The following FLNB variants were observed in gnomAD, a reference collection of about 807,000 sequenced individuals.
FLNB encodes the protein filamin-B.
In FLNB, 111 loss-of-function variants were observed where a neutral mutation model predicts 250.6. The ratio of observed to expected loss-of-function variants is 0.44; its 90% confidence interval spans 0.38 to 0.52. The LOEUF (loss-of-function observed/expected upper bound fraction) is 0.52, where lower values mean the gene tolerates loss of function less well. FLNB is among the 20% of genes least tolerant of loss of function. FLNB has a pLI of 0.00. For synonymous variants in FLNB, 1,302 were observed against 1,372.1 expected (o/e 0.95, Z 1.13); for missense variants, 2,869 against 3,447.8 (o/e 0.83, Z 4.20).
chr3:58,152,730 T>C lies in FLNB; in HGVS notation c.6368-645T>C, dbSNP rs767269826. On this transcript the variant is annotated intron_variant, in intron 38 of 45. Transcript: ENST00000295956. ...CAGGGGTCAGAGTCATGAACTGCTCTGCCCAGATCCTGTGGGGCTGGAGGG... is the reference window on the plus strand; with the variant it reads ...CAGGGGTCAGAGTCATGAACTGCTCCGCCCAGATCCTGTGGGGCTGGAGGG... 1.3e-5 allele frequency: 18 copies of C among 1,335,626 alleles called. No individual in the cohort carries two copies. In the South Asian group the frequency reaches 1.5e-4, roughly 11 times the overall value. The allele number at this position is 1,335,626 out of a possible 1,614,324, so 82.7% of individuals were successfully genotyped here. A position where few individuals can be genotyped will look rare whatever the true frequency, so the allele number is the denominator to read the frequency against.
At chr3:58,009,886 G>A (rs1178650374) in intron 1 of FLNB, among the ~76,000 whole-genome samples, 1 of 152,200 alleles carries the variant, frequency 6.6e-6, no homozygotes, top group Non-Finnish European at 1.5e-5. Flanking sequence ...CTCCCTTGTG[G>A]TCTGAGATAG....
intron 40 of FLNB, 90 bp downstream of exon 40, chr3:58,155,018 C>A: frequency 1.5e-6 from 2 of 1,361,490 alleles, no homozygotes; most frequent in South Asian, 1.2e-5. Flanking sequence ...TTGCTGAAGT[C>A]AATGAGGAAT....
rs1162754291 is a variant in FLNB, at chr3:58,105,763, C to T, written c.1747+547C>T. Among the ~76,000 whole-genome samples the T allele has an allele frequency of 2.6e-5, 4 of 152,132 alleles. No homozygotes were observed. The South Asian group carries it at 6.2e-4, about 24-fold the overall frequency. On this transcript the variant is annotated intron_variant, in intron 11 of 45. Transcript: ENST00000295956. ...GCAGCTATAGGAATACGTAAACAAA[C>T]GTGTGTGGCCATGTTCCAGTAAAAC...
intron 11 of FLNB, among the ~76,000 whole-genome samples, chr3:58,106,221 G>A (rs2097259304): frequency 6.6e-6 from 1 of 151,952 alleles, no homozygotes; most frequent in African/African-American, 2.4e-5. Context: ...ACCCAGAAGT[G>A]GATTTGGTGG....
chr3:58,051,433 A>C (rs1429941187), intron 1 of FLNB, among the ~76,000 whole-genome samples: 4 of 152,188 alleles, frequency 2.6e-5, no homozygotes, highest in South Asian at 2.1e-4. Flanking sequence ...TTCTGCAAGC[A>C]TGTACAGTAC....
At chr3:58,098,077 A>G in intron 7 of FLNB, 100 bp downstream of exon 7, 1 of 1,264,422 alleles carries the variant, frequency 7.9e-7, no homozygotes, top group Non-Finnish European at 1.1e-6. Flanking sequence ...TGTCTTTTAA[A>G]TCAAATAAAT....
chr3:58,106,907 C>A, intron 12 of FLNB, 34 bp downstream of exon 12: 1 of 1,590,048 alleles, frequency 6.3e-7, no homozygotes, highest in Non-Finnish European at 8.6e-7. Flanking sequence ...TCTTCTTGTC[C>A]CTGGCCCCTG....
At chr3:58,163,977 C>G (rs983543854) in intron 43 of FLNB, 1 of 152,458 alleles carries the variant, frequency 6.6e-6, no homozygotes, top group East Asian at 1.9e-4. Flanking sequence ...TCCTCCCCCA[C>G]CTGGGTCTGG....
intron 25 of FLNB, among the ~76,000 whole-genome samples, chr3:58,131,683 G>T (rs1183631825): frequency 6.6e-6 from 1 of 152,198 alleles, no homozygotes; most frequent in Non-Finnish European, 1.5e-5. Flanking sequence ...CTCCTTCATG[G>T]GGTTCAGCAG....
Position 58,124,388 on chromosome 3 carries a change from G to T in FLNB, c.3781G>T (p.Val1261Phe). The T allele has an allele frequency of 6.2e-7, 1 of 1,614,264 alleles. No homozygotes were observed. Residue 1261 changes from valine (V) to phenylalanine (F), a missense_variant, in exon 22 of 46, where the codon GTT becomes TTT. By Grantham distance (50) the Val-to-Phe change is conservative. Transcript: ENST00000295956. ...FTVDSRPLTQVGGDHIKAHIA... is the reference protein window; with the variant it reads ...FTVDSRPLTQFGGDHIKAHIA... ...AGTTGACTCTCGGCCGCTGACCCAG[G>T]TTGGGGGTGACCACATCAAGGCCCA...
At chr3:58,037,058 CTTTTTTTTTTTTTT>C (rs549716136) in intron 1 of FLNB, among the ~76,000 whole-genome samples, 29 of 103,612 alleles carry the variant, frequency 2.8e-4, no homozygotes, top group Non-Finnish European at 4.7e-4. Flanking sequence ...ACATTAGAGT[CTTTTTTTTTTTTTT>C]TTTTTTTTTT....
intron 25 of FLNB, chr3:58,131,849 AAAAG>A: frequency 4.0e-6 from 4 of 1,011,460 alleles, no homozygotes; most frequent in Admixed American, 4.3e-5. Flanking sequence ...GAGAGGGAGA[AAAAG>A]AAGAAAGAGA....
chr3:58,123,565 GCATGTACACGTTGAC>G lies in FLNB; in HGVS notation c.3604_3618del (p.Tyr1202_Met1206del). On this transcript the variant is annotated inframe_deletion, in exon 21 of 46. Transcript: ENST00000295956. ...GTGACCTACGTGCCCCTGACGGCCG[GCATGTACACGTTGAC>G]CATGAAGTATGGTGGCGAACTCGTG... 6.2e-7 allele frequency: 1 copy of G among 1,610,238 alleles called. No individual in the cohort carries two copies. Among genetic ancestry groups the G allele is most frequent in the Non-Finnish European group, 8.5e-7 (1 of 1,178,942 alleles).
chr3:58,039,311 A>T (rs2097142764), intron 1 of FLNB, among the ~76,000 whole-genome samples: 2 of 108,618 alleles, frequency 1.8e-5, no homozygotes, highest in East Asian at 2.2e-4. Flanking sequence ...TTTGATAGGT[A>T]AAAAAAAAAA....
chr3:58,033,260 CTT>C (rs2097133454), intron 1 of FLNB, among the ~76,000 whole-genome samples: 1 of 152,332 alleles, frequency 6.6e-6, no homozygotes, highest in South Asian at 2.1e-4. Flanking sequence ...CCTTGTGCCT[CTT>C]TGTAATTCTT....
At chr3:58,150,308 G>T in intron 38 of FLNB, 81 bp downstream of exon 38, 2 of 1,533,842 alleles carry the variant, frequency 1.3e-6, no homozygotes, top group Non-Finnish European at 1.8e-6. Flanking sequence ...ACCAAGTTTA[G>T]GCATGGCCCA....
chr3:58,167,657 G>C (rs1002011277), intron 43 of FLNB, among the ~76,000 whole-genome samples: 25 of 152,368 alleles, frequency 1.6e-4, no homozygotes, highest in African/African-American at 6.0e-4. Flanking sequence ...TGCCCATCCA[G>C]GGGTCAAGAG....
chr3:58,083,145 C>T (rs1249929179), intron 4 of FLNB, among the ~76,000 whole-genome samples: 5 of 151,600 alleles, frequency 3.3e-5, no homozygotes, highest in Non-Finnish European at 7.4e-5. Context: ...ATAGTTGTTG[C>T]TGTTTTACAA....
At chr3:58,089,376 C>A (rs920519048) in intron 4 of FLNB, among the ~76,000 whole-genome samples, 2 of 151,886 alleles carry the variant, frequency 1.3e-5, no homozygotes, top group Non-Finnish European at 1.5e-5. Context: ...GAAACCCAGT[C>A]TCTACTAAAA....
Sources: allele counts gnomAD v4.1 joint callset (sites outside exome capture counted in the v4.1 genomes callset), GRCh38; gene constraint gnomAD v4.1.1; transcripts MANE v1.5; gene names NCBI Gene and HGNC (gene_info 2026-07-23, HGNC 2026-07-21).